Variants in SORCS3 observed in about 807,000 individuals in gnomAD.
The protein encoded by SORCS3 is sortilin related VPS10 domain containing receptor 3.
SORCS3 carries 57 observed loss-of-function variants against 146.3 expected under a neutral mutation model. That is an observed-to-expected ratio of 0.39 (90% CI 0.31 to 0.49). The LOEUF (loss-of-function observed/expected upper bound fraction) is 0.49. SORCS3 is among the 20% of genes least tolerant of loss of function. SORCS3 has a pLI of 0.92. For missense variants in SORCS3, 1,341 were observed against 1,575.5 expected (o/e 0.85, Z 2.52); for synonymous variants, 653 against 618.5 (o/e 1.06, Z -0.83).
At chr10:104,688,822 C>A (rs903278410) in intron 1 of SORCS3, among the ~76,000 whole-genome samples, 1 of 152,196 alleles carries the variant, frequency 6.6e-6, no homozygotes, top group Non-Finnish European at 1.5e-5. Context: ...TCCCAGGAAC[C>A]TGCCCAACGT....
chr10:105,109,279 A>C (rs1241148973), intron 7 of SORCS3, among the ~76,000 whole-genome samples: 2 of 152,150 alleles, frequency 1.3e-5, no homozygotes, highest in African/African-American at 2.4e-5. Flanking sequence ...TTAGACTTAA[A>C]TATTTTATGA....
intron 1 of SORCS3, among the ~76,000 whole-genome samples, chr10:104,681,083 G>T (rs1446637702): frequency 6.6e-6 from 1 of 152,246 alleles, no homozygotes; most frequent in East Asian, 1.9e-4. Flanking sequence ...ATGCGCTTGG[G>T]CGTAACACAT....
intron 3 of SORCS3, among the ~76,000 whole-genome samples, chr10:104,976,012 A>C (rs1215136808): frequency 6.6e-6 from 1 of 151,856 alleles, no homozygotes; most frequent in Non-Finnish European, 1.5e-5. Context: ...CAAGGACTTC[A>C]TGTCTAAAAC....
intron 4 of SORCS3, among the ~76,000 whole-genome samples, chr10:104,983,509 A>G (rs2133656168): frequency 6.6e-6 from 1 of 152,296 alleles, no homozygotes; most frequent in African/African-American, 2.4e-5. Flanking sequence ...CATGATAGAA[A>G]TTCAGCCATG....
intron 1 of SORCS3, among the ~76,000 whole-genome samples, chr10:104,717,300 T>TAAAAAAAAAAA (rs200835513): frequency 9.6e-6 from 1 of 104,396 alleles, no homozygotes; most frequent in Non-Finnish European, 2.0e-5. Flanking sequence ...AAAAAAAATG[T>TAAAAAAAAAAA]AAAAAAAAAA....
chr10:104,948,536 T>C (rs1025860410), intron 3 of SORCS3, among the ~76,000 whole-genome samples: 1 of 152,202 alleles, frequency 6.6e-6, no homozygotes, highest in Non-Finnish European at 1.5e-5. Flanking sequence ...ATTTTATGGA[T>C]ACCAGGCCCT....
At chr10:104,966,738 G>A (rs1386055591) in intron 3 of SORCS3, among the ~76,000 whole-genome samples, 1 of 152,128 alleles carries the variant, frequency 6.6e-6, no homozygotes, top group Non-Finnish European at 1.5e-5. Context: ...GTGCATTGTG[G>A]AAAGATTTCT....
At position 105,158,912 on chromosome 10, in the gene SORCS3, G is replaced by C. The variant is rs750860640; in HGVS notation, c.1650G>C (p.Leu550=). 8 of 1,612,578 alleles carry C rather than the reference G, an allele frequency of 5.0e-6. No individual in the cohort carries two copies. In the African/African-American group the frequency reaches 1.1e-4, roughly 22 times the overall value. ...TTTAGCCCTTCTGTTCCTTACATCT[G>C]CACCTGCAACTCTCTGAAAATCCAT... is the stretch of plus-strand genomic sequence containing the variant. ...HCLLPFCSLH[L]HLQLSENPYS... is the part of the protein sequence containing the mutation. The change falls in exon 11 of 27, where the codon CTG becomes CTC. Residue 550 remains leucine (L), a synonymous_variant. Coordinates refer to ENST00000369701, the MANE Select transcript of SORCS3 (RefSeq NM_014978.3).
At chr10:105,039,416 CTGAG>C (rs2055325012) in intron 4 of SORCS3, among the ~76,000 whole-genome samples, 1 of 150,486 alleles carries the variant, frequency 6.6e-6, no homozygotes, top group African/African-American at 2.4e-5. Context: ...TGAAACAGGC[CTGAG>C]TGAGGAGATC....
rs564583141 is a variant in SORCS3, at chr10:105,147,219, T to C, written c.1303-398T>C. 2.0e-5 allele frequency among the ~76,000 whole-genome samples: 3 copies of C among 152,272 alleles called. No individual in the cohort carries two copies. In the East Asian group the frequency reaches 5.8e-4, roughly 29 times the overall value. On this transcript the variant is annotated intron_variant, in intron 8 of 26. Coordinates refer to ENST00000369701, the MANE Select transcript of SORCS3 (RefSeq NM_014978.3). ...TTAAAGAAAACTGTGTAAACCACCA[T>C]ACTACAGAATTTAAAAACATAAATG... is the stretch of plus-strand genomic sequence containing the variant.
chr10:105,086,665 G>C (rs74157417), intron 5 of SORCS3, among the ~76,000 whole-genome samples: 1 of 152,258 alleles, frequency 6.6e-6, no homozygotes, highest in Admixed American at 6.5e-5. Context: ...ATCAGGCTTC[G>C]TCAGTATGGT....
intron 16 of SORCS3, among the ~76,000 whole-genome samples, chr10:105,202,099 C>T (rs562871407): frequency 2.0e-5 from 3 of 152,262 alleles, no homozygotes; most frequent in South Asian, 2.1e-4. Flanking sequence ...CTCCAGGAAT[C>T]GAACTCTCTC....
chr10:105,204,650 A>C (rs2056591773), intron 16 of SORCS3, among the ~76,000 whole-genome samples: 1 of 152,074 alleles, frequency 6.6e-6, no homozygotes, highest in Non-Finnish European at 1.5e-5. Flanking sequence ...AAAGTAGAGA[A>C]GTAGACAAGG....
chr10:104,736,500 C>A (rs1219957528), intron 1 of SORCS3, among the ~76,000 whole-genome samples: 1 of 152,136 alleles, frequency 6.6e-6, no homozygotes, highest in Non-Finnish European at 1.5e-5. Flanking sequence ...TTCATTCTGT[C>A]AAGATTTAGA....
At chr10:104,968,679 G>T (rs949056553) in intron 3 of SORCS3, among the ~76,000 whole-genome samples, 3 of 152,116 alleles carry the variant, frequency 2.0e-5, no homozygotes, top group Non-Finnish European at 4.4e-5. Flanking sequence ...TCACATAAAT[G>T]CAGAACTCAT....
intron 3 of SORCS3, among the ~76,000 whole-genome samples, chr10:104,933,671 C>T (rs1013956674): frequency 6.6e-5 from 10 of 152,178 alleles, no homozygotes; most frequent in Non-Finnish European, 8.8e-5. Flanking sequence ...TCAAGTGACA[C>T]GAGCCGTGTA....
chr10:104,771,784 C>G (rs151069275), intron 1 of SORCS3, among the ~76,000 whole-genome samples: 56 of 151,682 alleles, frequency 3.7e-4, no homozygotes, highest in African/African-American at 1.3e-3. Flanking sequence ...CTGGTTGACC[C>G]CTTCAAGCAA....
chr10:105,195,606 T>C (rs2056539414), intron 14 of SORCS3, among the ~76,000 whole-genome samples: 1 of 152,322 alleles, frequency 6.6e-6, no homozygotes, highest in African/African-American at 2.4e-5. Context: ...AGAAGAGCAA[T>C]GAATTAATGT....
At chr10:105,022,542 C>T (rs1398563374) in intron 4 of SORCS3, among the ~76,000 whole-genome samples, 1 of 151,988 alleles carries the variant, frequency 6.6e-6, no homozygotes, top group African/African-American at 2.4e-5. Flanking sequence ...ACCTCAGGTA[C>T]TTTCCACTCA....
Sources: allele counts gnomAD v4.1 joint callset (sites outside exome capture counted in the v4.1 genomes callset), GRCh38; gene constraint gnomAD v4.1.1; transcripts MANE v1.5; gene names NCBI Gene and HGNC (gene_info 2026-07-23, HGNC 2026-07-21).